Variants in KNTC1 observed in about 807,000 individuals in gnomAD.
The protein encoded by KNTC1 is kinetochore-associated protein 1.
Under a neutral mutation model 314.4 loss-of-function variants are expected in KNTC1, and 253 were observed. That is an observed-to-expected ratio of 0.80 (90% confidence interval 0.73 to 0.89). The LOEUF is 0.89. KNTC1 is among the 40% of genes least tolerant of loss of function. The pLI, the probability that KNTC1 is intolerant of heterozygous loss-of-function variation, is 0.00. For missense variants in KNTC1, 2,475 were observed against 2,572.9 expected (o/e 0.96, Z 0.82); for synonymous variants, 901 against 901.4 (o/e 1.00, Z 0.01).
At chr12:122,565,943 C>T (rs1008664300) in intron 20 of KNTC1, among the ~76,000 whole-genome samples, 4 of 147,736 alleles carry the variant, frequency 2.7e-5, no homozygotes, top group Non-Finnish European at 4.4e-5. Context: ...TTTCTTTCTA[C>T]GTTTCAATCT....
chr12:122,580,946 T>G (rs961080933), intron 33 of KNTC1, among the ~76,000 whole-genome samples: 3 of 151,598 alleles, frequency 2.0e-5, no homozygotes, highest in African/African-American at 7.3e-5. Context: ...GAGAATTGCT[T>G]GAACCCGGGA....
intron 2 of KNTC1, among the ~76,000 whole-genome samples, chr12:122,532,028 C>T (rs1214058645): frequency 2.8e-5 from 4 of 143,134 alleles, no homozygotes; most frequent in East Asian, 2.2e-4. Context: ...CCACCGCACC[C>T]GGCCATTTGT....
At chr12:122,550,801 TC>T (rs1963143629) in intron 13 of KNTC1, among the ~76,000 whole-genome samples, 1 of 152,170 alleles carries the variant, frequency 6.6e-6, no homozygotes, top group Admixed American at 6.5e-5. Context: ...TTGCATCTGG[TC>T]CATTTTTTGT....
intron 1 of KNTC1, among the ~76,000 whole-genome samples, chr12:122,527,864 C>T (rs533914846): frequency 6.4e-4 from 98 of 152,338 alleles, no homozygotes; most frequent in African/African-American, 2.1e-3. Context: ...GATGTCACCT[C>T]CTTCCCTTCC....
chr12:122,539,573 A>G (rs919448321), intron 4 of KNTC1, 103 bp from the exon 5 acceptor site: 1 of 804,782 alleles, frequency 1.2e-6, no homozygotes, highest in African/African-American at 1.8e-5. Flanking sequence ...TATAGGCAGA[A>G]TTATTGCTAA....
chr12:122,536,502 G>A (rs1961849092), intron 3 of KNTC1, among the ~76,000 whole-genome samples: 1 of 150,632 alleles, frequency 6.6e-6, no homozygotes, highest in African/African-American at 2.4e-5. Context: ...GATTACAGAC[G>A]TGAGCCACCG....
At chr12:122,583,222 C>A (rs536631796) in intron 34 of KNTC1, among the ~76,000 whole-genome samples, 8 of 149,308 alleles carry the variant, frequency 5.4e-5, no homozygotes, top group African/African-American at 2.0e-4. Context: ...GAGGCAGGAT[C>A]GTGGCGGGTT....
intron 29 of KNTC1, 80 bp from the exon 30 acceptor site, chr12:122,576,815 C>T: frequency 3.4e-6 from 4 of 1,171,406 alleles, no homozygotes; most frequent in South Asian, 2.1e-5. Context: ...ATTTTTTTGC[C>T]ACTTTGCTCT....
intron 20 of KNTC1, among the ~76,000 whole-genome samples, chr12:122,567,219 T>C (rs140393854): frequency 0.011 from 1,604 of 152,000 alleles, 28 homozygotes; most frequent in African/African-American, 0.037. Context: ...TACAGGCACC[T>C]GCCACCACAC....
Position 122,579,292 on chromosome 12 carries a change from C to T in KNTC1, c.2842-613C>T, listed in dbSNP as rs537521190. ...TTTTAGCCGGGATGGTCTCGATCTC[C>T]TGACCTCGTGATCCGCCTGCCTCGG... On this transcript the variant is annotated intron_variant, in intron 31 of 63. Transcript: ENST00000333479. 8.5e-3 allele frequency among the ~76,000 whole-genome samples: 1,292 copies of T among 151,432 alleles called. 14 individuals carry two copies. The highest frequency in any genetic ancestry group is 0.03 in the African/African-American group (1,249 of 41,302).
intron 59 of KNTC1, among the ~76,000 whole-genome samples, chr12:122,619,596 T>G (rs1874188981): frequency 6.6e-6 from 1 of 151,944 alleles, no homozygotes; most frequent in Non-Finnish European, 1.5e-5. Flanking sequence ...GTATTTTTAA[T>G]AGAGACGGGG....
chr12:122,605,411 G>C lies in KNTC1; in HGVS notation c.5492G>C (p.Gly1831Ala). Residue 1831 changes from glycine to alanine, a missense_variant, in exon 51 of 64, where the codon GGT (glycine) becomes GCT (alanine). By Grantham distance (60) the Gly-to-Ala change is moderately conservative. Transcript: ENST00000333479. Reference protein sequence around the residue: ...EKWLCPSTKPGEKPSELFELQ... With the variant: ...EKWLCPSTKPAEKPSELFELQ... ...TGGCTATGCCCTTCAACAAAACCTG[G>C]TGAAGTAAGTACTTGCTGCCCAAGA... 2 of 1,533,518 alleles carry C rather than the reference G, an allele frequency of 1.3e-6. No homozygotes were observed. The highest frequency in any genetic ancestry group is 1.4e-5 in the African/African-American group (1 of 73,090). The allele number at this position is 1,533,518 out of a possible 1,614,324, so 95.0% of individuals were successfully genotyped here. A position where few individuals can be genotyped will look rare whatever the true frequency, so the allele number is the denominator to read the frequency against.
chr12:122,575,945 G>T (rs1490408492), intron 29 of KNTC1, 46 bp downstream of exon 29: 1 of 1,544,202 alleles, frequency 6.5e-7, no homozygotes, highest in Non-Finnish European at 8.7e-7. Flanking sequence ...CATTTCTGGG[G>T]CAATATGGAA....
intron 3 of KNTC1, among the ~76,000 whole-genome samples, chr12:122,535,789 C>G (rs1404523237): frequency 6.6e-6 from 1 of 151,628 alleles, no homozygotes; most frequent in Non-Finnish European, 1.5e-5. Context: ...ATACTCTAGC[C>G]TGAGTGACAG....
At chr12:122,543,485 C>A in intron 6 of KNTC1, 115 bp from the exon 7 acceptor site, 1 of 776,064 alleles carries the variant, frequency 1.3e-6, no homozygotes, top group Non-Finnish European at 2.0e-6. Flanking sequence ...ACTTAATTCT[C>A]ACCAGTGTTC....
rs543050503 is a variant in KNTC1 at position 122,553,161 on chromosome 12, A to G, written c.1272+1465A>G. On this transcript the variant is annotated intron_variant, in intron 16 of 63. Transcript: ENST00000333479. Reference sequence around the variant, plus strand: ...AACACAGCAAGACTCTGTCTCAGGGAAAAAAAAAAAAAAAGAGGAATATAG... The same window carrying G: ...AACACAGCAAGACTCTGTCTCAGGGGAAAAAAAAAAAAAAGAGGAATATAG... Among the ~76,000 whole-genome samples, 293 of 105,416 alleles carry G rather than the reference A, an allele frequency of 2.8e-3. 3 individuals carry two copies. Among genetic ancestry groups the G allele is most frequent in the African/African-American group, 0.011 (264 of 23,078 alleles). The allele number at this position is 105,416 out of a possible 152,430, so 69.2% of individuals were successfully genotyped here. A position where few individuals can be genotyped will look rare whatever the true frequency, so the allele number is the denominator to read the frequency against.
Position 122,618,340 on chromosome 12 carries a change from C to A in KNTC1, c.6031-3C>A, listed in dbSNP as rs371126294. On this transcript the variant is annotated splice_polypyrimidine_tract_variant and splice_region_variant and intron_variant, in intron 57 of 63. Transcript: ENST00000333479. ...TATCCCAAACGTGGACTTGTTTTCACAGGTTCCCTACTTCAGCAAAGCGTG... is the reference window on the plus strand; with the variant it reads ...TATCCCAAACGTGGACTTGTTTTCAAAGGTTCCCTACTTCAGCAAAGCGTG... The A allele has an allele frequency of 1.2e-6, 2 of 1,613,242 alleles. No individual in the cohort carries two copies. Among genetic ancestry groups the A allele is most frequent in the Non-Finnish European group, 1.7e-6 (2 of 1,179,364 alleles).
At chr12:122,563,794 C>A (rs570278169) in intron 20 of KNTC1, 56 of 1,476,004 alleles carry the variant, frequency 3.8e-5, no homozygotes, top group South Asian at 1.7e-4. Flanking sequence ...GATGACTCTT[C>A]CACAGTTTTT....
At position 122,572,976 on chromosome 12, in the gene KNTC1, A is replaced by C; in HGVS notation, c.2059A>C (p.Thr687Pro). 3 of 1,603,690 alleles carry C rather than the reference A, an allele frequency of 1.9e-6. No homozygotes were observed. Among genetic ancestry groups the C allele is most frequent in the Non-Finnish European group, 2.6e-6 (3 of 1,173,092 alleles). ...QNTEEVCQLR[T>P]LVNNLRELIT... ...CACAGAGGAAGTATGTCAGCTAAGG[A>C]CTTTGGTAAATAACTTGCGAGAGTT... Residue 687 changes from threonine to proline, a missense_variant, in exon 25 of 64, where the codon ACT becomes CCT. Coordinates refer to ENST00000333479, the MANE Select transcript of KNTC1 (RefSeq NM_014708.6).
Sources: gnomAD v4.1 joint callset for allele counts (sites outside exome capture counted in the v4.1 genomes callset) on GRCh38, gnomAD v4.1.1 for gene constraint, MANE v1.5 for transcripts, NCBI Gene and HGNC (gene_info 2026-07-23, HGNC 2026-07-21) for gene names.